The following PRUNE2 variants were observed in gnomAD, a reference collection of about 807,000 sequenced individuals.
PRUNE2 encodes the protein prune homolog 2 with BCH domain.
In PRUNE2, 164 loss-of-function variants were observed where a neutral mutation model predicts 252.0. The observed-to-expected ratio is 0.65, with a 90% CI of 0.57 to 0.74. PRUNE2 has a LOEUF of 0.74. Ranked by LOEUF, PRUNE2 falls within the 30% of genes least tolerant of loss-of-function variation. The pLI is 0.00. For synonymous variants in PRUNE2, 1,292 were observed against 1,350.2 expected, an observed-to-expected ratio of 0.96 and a Z score of 0.94; for missense variants, 3,495 against 3,711.0, an observed-to-expected ratio of 0.94 and a Z score of 1.51.
At chr9:76,894,716 GCAA>G (rs1219553408) in intron 1 of PRUNE2, among the ~76,000 whole-genome samples, 1 of 110,710 alleles carries the variant, frequency 9.0e-6, no homozygotes. Flanking sequence ...ATTTTCTGCA[GCAA>G]AAAAAAAAAA....
At chr9:76,717,893 G>A (rs909887450) in intron 6 of PRUNE2, among the ~76,000 whole-genome samples, 6 of 152,156 alleles carry the variant, frequency 3.9e-5, no homozygotes, top group African/African-American at 1.4e-4. Flanking sequence ...ATTTTTAGAG[G>A]TCACGTGTCT....
At chr9:76,765,911 G>A (rs1304118534) in intron 6 of PRUNE2, among the ~76,000 whole-genome samples, 3 of 152,068 alleles carry the variant, frequency 2.0e-5, no homozygotes, top group African/African-American at 7.2e-5. Context: ...GGCCAGACGC[G>A]GTGGCTCACG....
chr9:76,704,840 CA>C lies in PRUNE2; in HGVS notation c.7433del (p.Leu2478CysfsTer10). ...CTTCCCAGTCAACGTTTGATGGAGA[CA>C]AAATGTTGGAGCCTGCTCCTACCGG... ...YLPVGAGSNI[L>X]SPSNVDWEVE... On this transcript the variant is annotated frameshift_variant, in exon 8 of 19. Transcript: ENST00000376718. LOFTEE classifies it high-confidence loss of function. 6.3e-7 allele frequency: 1 copy of C among 1,595,624 alleles called. No individual in the cohort carries two copies. Among genetic ancestry groups the C allele is most frequent in the African/African-American group, 1.3e-5 (1 of 74,762 alleles).
At chr9:76,828,165 C>T (rs1337251432) in intron 4 of PRUNE2, among the ~76,000 whole-genome samples, 1 of 152,112 alleles carries the variant, frequency 6.6e-6, no homozygotes, top group African/African-American at 2.4e-5. Context: ...GAGGAGTCTT[C>T]CTAGAGAAAG....
chr9:76,895,087 C>T (rs904630751), intron 1 of PRUNE2, among the ~76,000 whole-genome samples: 1 of 152,072 alleles, frequency 6.6e-6, no homozygotes, highest in Non-Finnish European at 1.5e-5. Flanking sequence ...AAAAAAGCCA[C>T]TCATCCTAAA....
At position 76,705,043 on chromosome 9, in the gene PRUNE2, T is replaced by C. The variant is rs916245982; in HGVS notation, c.7231A>G (p.Ile2411Val). 3.7e-6 allele frequency: 6 copies of C among 1,614,000 alleles called. No homozygotes were observed. In the Admixed American group the frequency reaches 6.7e-5, roughly 18 times the overall value. The part of the protein sequence containing the change: ...LTEPAQSAET[I>V]EEAGSPEDES... ...TCCTCTGGAGACCCAGCTTCCTCTA[T>C]TGTTTCAGCACTCTGGGCAGGTTCT... Residue 2411 changes from isoleucine to valine, a missense_variant, in exon 8 of 19, where the codon ATA becomes GTA. Transcript: ENST00000376718.
At chr9:76,796,729 G>A (rs888854440) in intron 6 of PRUNE2, among the ~76,000 whole-genome samples, 1 of 152,188 alleles carries the variant, frequency 6.6e-6, no homozygotes, top group African/African-American at 2.4e-5. Flanking sequence ...GTTTCTGCAT[G>A]AGATTAACAC....
At chr9:76,872,850 T>C (rs2061294732) in intron 1 of PRUNE2, among the ~76,000 whole-genome samples, 1 of 152,158 alleles carries the variant, frequency 6.6e-6, no homozygotes, top group South Asian at 2.1e-4. Flanking sequence ...CAAATACATA[T>C]GTTGGTGTCC....
intron 9 of PRUNE2, among the ~76,000 whole-genome samples, chr9:76,686,029 G>A (rs2044046212): frequency 6.6e-6 from 1 of 152,182 alleles, no homozygotes; most frequent in African/African-American, 2.4e-5. Flanking sequence ...ATTCTATGAA[G>A]CTAATTATAA....
At chr9:76,823,340 T>C (rs1200488220) in intron 6 of PRUNE2, 1 of 291,414 alleles carries the variant, frequency 3.4e-6, no homozygotes, top group Non-Finnish European at 6.4e-6. Context: ...CATATCATAA[T>C]TGCTATTAAA....
chr9:76,612,670 T>C lies in PRUNE2; in HGVS notation c.*1900A>G, dbSNP rs751375182. 1.3e-5 allele frequency: 2 copies of C among 152,120 alleles called. No homozygotes were observed. The highest frequency in any genetic ancestry group is 4.8e-5 in the African/African-American group (2 of 41,380). 9.4% of individuals were successfully genotyped at this position (152,120 alleles called of 1,614,324 possible). On this transcript the variant is annotated 3_prime_UTR_variant, in exon 19 of 19. Transcript: ENST00000376718. ...CAACAGAACATACAATTCAACAAGATACTCGCTTGAAAGGATCAAGAGGAG... is the reference window on the plus strand; with the variant it reads ...CAACAGAACATACAATTCAACAAGACACTCGCTTGAAAGGATCAAGAGGAG...
In PRUNE2 at chr9:76,710,703, T is replaced by A; in HGVS notation, c.1571A>T (p.Asn524Ile). 6.2e-7 allele frequency: 1 copy of A among 1,612,818 alleles called. No individual in the cohort carries two copies. The highest frequency in any genetic ancestry group is 8.5e-7 in the Non-Finnish European group (1 of 1,179,404). ...GAGCTGTCCTTCTGACAGGTCACTGTTGGGGAAGAAGTCATCTGCTGGGGA... is the reference window on the plus strand; with the variant it reads ...GAGCTGTCCTTCTGACAGGTCACTGATGGGGAAGAAGTCATCTGCTGGGGA... Reference protein sequence around the residue: ...DYSPADDFFPNSDLSEGQLPA... With the variant: ...DYSPADDFFPISDLSEGQLPA... Residue 524 changes from asparagine (N) to isoleucine (I), a missense_variant, in exon 8 of 19, where the codon AAC (asparagine) becomes ATC (isoleucine). Physicochemically the swap from Asn to Ile is moderately radical, Grantham distance 149 (BLOSUM62 -3). Coordinates refer to ENST00000376718, the MANE Select transcript of PRUNE2 (RefSeq NM_015225.3).
Position 76,710,894 on chromosome 9 carries a change from G to A in PRUNE2, c.1380C>T (p.His460=). ...SPVGEGAGPH[H]TLLPGLDSYS... is the part of the protein sequence containing the mutation. Reference sequence around the variant, plus strand: ...AGGAGTCAAGCCCTGGGAGAAGGGTGTGGTGAGGCCCAGCACCTTCTCCCA... The same window carrying A: ...AGGAGTCAAGCCCTGGGAGAAGGGTATGGTGAGGCCCAGCACCTTCTCCCA... The change falls in exon 8 of 19, where the codon CAC becomes CAT. Residue 460 remains histidine (H), a synonymous_variant. Coordinates refer to ENST00000376718, the MANE Select transcript of PRUNE2 (RefSeq NM_015225.3). 2 of 1,547,476 alleles carry A rather than the reference G, an allele frequency of 1.3e-6. No homozygotes were observed. The highest frequency in any genetic ancestry group is 2.5e-5 in the South Asian group (2 of 78,578).
In PRUNE2 at chr9:76,772,350, A is replaced by T. The variant is rs1197157276; in HGVS notation, c.756+51282T>A. Among the ~76,000 whole-genome samples, 4 of 151,834 alleles carry T rather than the reference A, an allele frequency of 2.6e-5. No homozygotes were observed. In the South Asian group the frequency reaches 6.2e-4, roughly 24 times the overall value. On this transcript the variant is annotated intron_variant, in intron 6 of 18. Coordinates refer to ENST00000376718, the MANE Select transcript of PRUNE2 (RefSeq NM_015225.3). Reference sequence around the variant, plus strand: ...AAATATTTATTTTAATTTTTTTTTTAAATGGCAATAGTCATTTTGGGGGCT... The same window carrying T: ...AAATATTTATTTTAATTTTTTTTTTTAATGGCAATAGTCATTTTGGGGGCT...
chr9:76,650,867 A>T (rs1366962656), intron 11 of PRUNE2, among the ~76,000 whole-genome samples: 1 of 152,200 alleles, frequency 6.6e-6, no homozygotes, highest in African/African-American at 2.4e-5. Flanking sequence ...ATGTGGTGTG[A>T]CAAAGCTCTC....
Position 76,704,971 on chromosome 9 carries a change from G to A in PRUNE2, c.7303C>T (p.Pro2435Ser), listed in dbSNP as rs761564365. The A allele has an allele frequency of 3.1e-6, 5 of 1,613,402 alleles. No homozygotes were observed. The highest frequency in any genetic ancestry group is 2.2e-5 in the South Asian group (2 of 91,002). ...TGGTTTCCCTCACTTCTTCGATCAG[G>A]AAGTGCAGAAAGCACTATCTCTGCT... ...RAAEIVLSAL[P>S]DRRSEGNQAE... is the part of the protein sequence containing the mutation. Residue 2435 changes from proline to serine, a missense_variant, in exon 8 of 19, where the codon CCT (proline) becomes TCT (serine). Transcript: ENST00000376718.
chr9:76,626,687 G>C (rs1415721732), intron 16 of PRUNE2, among the ~76,000 whole-genome samples: 1 of 152,106 alleles, frequency 6.6e-6, no homozygotes, highest in African/African-American at 2.4e-5. Context: ...CCATATGATG[G>C]AGAGTCTCTA....
intron 6 of PRUNE2, among the ~76,000 whole-genome samples, chr9:76,765,090 A>G (rs1343088450): frequency 6.6e-6 from 1 of 152,242 alleles, no homozygotes; most frequent in South Asian, 2.1e-4. Context: ...TTTTGAGTTC[A>G]GTAGCAGATG....
chr9:76,683,744 T>C (rs1390858061), intron 9 of PRUNE2, among the ~76,000 whole-genome samples: 1 of 152,064 alleles, frequency 6.6e-6, no homozygotes, highest in Non-Finnish European at 1.5e-5. Context: ...TGAAAGAATA[T>C]CATAGAATAT....
Sources: allele counts gnomAD v4.1 joint callset (sites outside exome capture counted in the v4.1 genomes callset), GRCh38; gene constraint gnomAD v4.1.1; transcripts MANE v1.5; gene names NCBI Gene and HGNC (gene_info 2026-07-23, HGNC 2026-07-21).